MAPT: variants seen among roughly 807,000 people sequenced by gnomAD.
MAPT encodes microtubule associated protein tau, also known as microtubule-associated protein tau.
In MAPT, 34 loss-of-function variants were observed where a neutral mutation model predicts 67.9. That is an observed-to-expected ratio of 0.50 (90% CI 0.38 to 0.67). MAPT has a LOEUF of 0.67. MAPT is among the 30% of genes least tolerant of loss of function. The pLI is 0.00. For missense variants in MAPT, 881 were observed against 1,115.2 expected (o/e 0.79, Z 2.99); for synonymous variants, 456 against 464.5 (o/e 0.98, Z 0.23).
chr17:45,997,727 T>A (rs2074614255), intron 9 of MAPT, among the ~76,000 whole-genome samples: 1 of 152,094 alleles, frequency 6.6e-6, no homozygotes. Context: ...GCCACTGCAC[T>A]CCAGTTTGAG....
intron 1 of MAPT, chr17:45,907,596 T>C (rs1310675954): frequency 6.6e-6 from 1 of 152,234 alleles, no homozygotes; most frequent in Non-Finnish European, 1.5e-5. Flanking sequence ...GAGCTCTCCT[T>C]ATTTAAATCA....
intron 3 of MAPT, chr17:45,972,833 C>T (rs1239315157): frequency 6.5e-6 from 1 of 153,114 alleles, no homozygotes; most frequent in East Asian, 1.9e-4. Context: ...AGTTTTCTTG[C>T]AAGTGGCAAT....
At position 45,983,387 on chromosome 17, in the gene MAPT, G is replaced by C. The variant is rs1052404298; in HGVS notation, c.808G>C (p.Asp270His). ...PELLKHQLLG[D>H]LHQEGPPLKG... ...GCTGCTCAAGCACCAGCTTCTAGGA[G>C]ACCTGCACCAGGAGGGGCCGCCGCT... Residue 270 changes from aspartate to histidine, a missense_variant, in exon 5 of 13, where the codon GAC (aspartate) becomes CAC (histidine). Physicochemically the swap from Asp to His is moderately conservative, Grantham distance 81 (BLOSUM62 -1). This residue lies in a region of MAPT where 687 missense variants were observed against 766.1 expected (regional missense o/e 0.90). Transcript: ENST00000262410. 14 of 1,608,158 alleles carry C rather than the reference G, an allele frequency of 8.7e-6. No individual in the cohort carries two copies. The highest frequency in any genetic ancestry group is 1.2e-5 in the Non-Finnish European group (14 of 1,177,362).
intron 1 of MAPT, among the ~76,000 whole-genome samples, chr17:45,904,376 T>A (rs191632554): frequency 0.013 from 1,049 of 82,514 alleles, 304 homozygotes; most frequent in Non-Finnish European, 0.022. Context: ...TAAATATATT[T>A]TATATATATT....
At chr17:45,920,909 C>T (rs902173925) in intron 1 of MAPT, among the ~76,000 whole-genome samples, 25 of 152,306 alleles carry the variant, frequency 1.6e-4, no homozygotes, top group African/African-American at 5.1e-4. Flanking sequence ...GCACCTGGCA[C>T]GCCGTGTATA....
intron 1 of MAPT, among the ~76,000 whole-genome samples, chr17:45,941,641 T>C (rs1293194648): frequency 4.7e-4 from 33 of 70,540 alleles, no homozygotes; most frequent in South Asian, 1.3e-3. Context: ...CCTCTTTCCC[T>C]CCTTCCCCCC....
At chr17:46,023,920 C>G in intron 12 of MAPT, 36 bp from the exon 13 acceptor site, 24 of 1,579,598 alleles carry the variant, frequency 1.5e-5, no homozygotes, top group Non-Finnish European at 2.0e-5. Flanking sequence ...TTCTCTGGCA[C>G]TTCATCTCAC....
chr17:45,967,658 T>A (rs547008787), intron 2 of MAPT, among the ~76,000 whole-genome samples: 1 of 152,108 alleles, frequency 6.6e-6, no homozygotes, highest in South Asian at 2.1e-4. Context: ...CACTTGCCTT[T>A]TTTTCATCTT....
chr17:45,945,534 T>G (rs563482062), intron 1 of MAPT, among the ~76,000 whole-genome samples: 31 of 152,266 alleles, frequency 2.0e-4, no homozygotes, highest in Middle Eastern at 6.8e-3. Context: ...GCTTATTGGC[T>G]GGACATGGTG....
chr17:45,964,600 C>G (rs572649500), intron 2 of MAPT, among the ~76,000 whole-genome samples: 1 of 151,996 alleles, frequency 6.6e-6, no homozygotes, highest in African/African-American at 2.4e-5. Flanking sequence ...AGGAGGATCA[C>G]TTGAGCCCAG....
chr17:45,925,887 G>A (rs1311138298), intron 1 of MAPT, among the ~76,000 whole-genome samples: 5 of 152,076 alleles, frequency 3.3e-5, no homozygotes, highest in African/African-American at 1.2e-4. Flanking sequence ...TTTAAAATAA[G>A]AAAAATTTTA....
At chr17:45,909,869 CAAAAAAAAA>C (rs59131080) in intron 1 of MAPT, among the ~76,000 whole-genome samples, 304 of 59,858 alleles carry the variant, frequency 5.1e-3, no homozygotes, top group African/African-American at 0.018. Context: ...GACTCTGTCT[CAAAAAAAAA>C]AAAAAAAAAA....
intron 1 of MAPT, among the ~76,000 whole-genome samples, chr17:45,947,027 G>A (rs1377482597): frequency 2.6e-5 from 4 of 152,100 alleles, no homozygotes; most frequent in Non-Finnish European, 4.4e-5. Context: ...TTTCCTTTCT[G>A]TATGCTCCTT....
chr17:46,003,708 A>G (rs926103307), intron 9 of MAPT, among the ~76,000 whole-genome samples: 1 of 152,212 alleles, frequency 6.6e-6, no homozygotes, highest in African/African-American at 2.4e-5. Flanking sequence ...AATCAGGGCC[A>G]GGGATGCAGG....
At chr17:45,930,051 A>G (rs773458070) in intron 1 of MAPT, among the ~76,000 whole-genome samples, 5 of 152,190 alleles carry the variant, frequency 3.3e-5, no homozygotes, top group South Asian at 2.1e-4. Flanking sequence ...GAAGGGGTGC[A>G]TAAGCCCCAC....
At chr17:46,018,522 T>A (rs2076329793) in intron 11 of MAPT, 96 bp from the exon 12 acceptor site, 3 of 941,712 alleles carry the variant, frequency 3.2e-6, no homozygotes, top group Non-Finnish European at 5.3e-6. Flanking sequence ...CCCCTGGCAC[T>A]TTGCCCTGTA....
chr17:45,962,230 A>G (rs774433298), intron 1 of MAPT, 91 bp from the exon 2 acceptor site: 1 of 1,091,666 alleles, frequency 9.2e-7, no homozygotes, highest in Admixed American at 2.0e-5. Flanking sequence ...TCTGCCTGCC[A>G]TGAACTGGGA....
chr17:45,963,744 T>G (rs1451526179), intron 2 of MAPT, among the ~76,000 whole-genome samples: 1 of 152,120 alleles, frequency 6.6e-6, no homozygotes, highest in East Asian at 1.9e-4. Context: ...CTGGAGTGGG[T>G]GGGGTCTCTG....
chr17:45,927,061 C>A (rs1448882530), intron 1 of MAPT, among the ~76,000 whole-genome samples: 2 of 151,162 alleles, frequency 1.3e-5, no homozygotes, highest in Non-Finnish European at 2.9e-5. Flanking sequence ...GCAGAGAGTG[C>A]AAATGTTGCC....
Sources: allele counts gnomAD v4.1 joint callset (sites outside exome capture counted in the v4.1 genomes callset), GRCh38; gene constraint gnomAD v4.1.1; regional missense constraint gnomAD v4.1.1; transcripts MANE v1.5; gene names NCBI Gene and HGNC (gene_info 2026-07-23, HGNC 2026-07-21).